The following STAM variants were observed in gnomAD, a reference collection of about 807,000 sequenced individuals.
STAM encodes the protein signal transducing adapter molecule 1.
A neutral mutation model predicts 63.4 loss-of-function variants in STAM; 16 were observed. That is an observed-to-expected ratio of 0.25 (90% CI 0.17 to 0.38). The LOEUF (loss-of-function observed/expected upper bound fraction) is 0.38. Ranked by LOEUF, STAM falls within the 10% of genes least tolerant of loss-of-function variation. The pLI is 1.00. For synonymous variants in STAM, 238 were observed against 223.9 expected (o/e 1.06, Z -0.56); for missense variants, 636 against 657.1 (o/e 0.97, Z 0.35).
intron 5 of STAM, 149 bp downstream of exon 5, chr10:17,688,322 C>T: frequency 4.3e-6 from 3 of 690,174 alleles, no homozygotes; most frequent in Non-Finnish European, 6.7e-6. Flanking sequence ...AGTTGTATTG[C>T]TAGTTAGTAA....
intron 1 of STAM, among the ~76,000 whole-genome samples, chr10:17,657,854 T>A (rs1346135333): frequency 2.0e-5 from 3 of 152,070 alleles, no homozygotes; most frequent in Admixed American, 6.5e-5. Context: ...TCTCTCTTTT[T>A]TTTTTTTCCT....
At chr10:17,705,111 A>C (rs1836200422) in intron 11 of STAM, 87 bp downstream of exon 11, 1 of 1,083,584 alleles carries the variant, frequency 9.2e-7, no homozygotes, top group East Asian at 2.4e-5. Context: ...CTGCCTTTTA[A>C]AAAAAAAATA....
At chr10:17,697,881 AAAATTAC>A (rs1165738553) in intron 8 of STAM, among the ~76,000 whole-genome samples, 1 of 152,218 alleles carries the variant, frequency 6.6e-6, no homozygotes, top group African/African-American at 2.4e-5. Flanking sequence ...GGGATCAAAG[AAAATTAC>A]AAACCACAAG....
At chr10:17,703,009 A>G (rs1291951279) in intron 9 of STAM, among the ~76,000 whole-genome samples, 2 of 65,424 alleles carry the variant, frequency 3.1e-5, no homozygotes, top group African/African-American at 5.8e-5. Flanking sequence ...ACTCCATCTC[A>G]AAAAAAAAAA....
intron 2 of STAM, among the ~76,000 whole-genome samples, chr10:17,668,282 G>A (rs1442211167): frequency 6.6e-6 from 1 of 152,118 alleles, no homozygotes; most frequent in Non-Finnish European, 1.5e-5. Context: ...GAGGGAGAGT[G>A]GTTTGGAAGA....
At position 17,693,271 on chromosome 10, in the gene STAM, G is replaced by A. The variant is rs1297348199; in HGVS notation, c.494G>A (p.Gly165Asp). Residue 165 changes from glycine (G) to aspartate (D), a missense_variant, in exon 6 of 14, where the codon GGT becomes GAT. Transcript: ENST00000377524. ...CCAGCTCTTGTAGCCAAGGATCCTG[G>A]TACTGTGGCTAACAAAAAAGAAGAA... ...ASPALVAKDPGTVANKKEEED... is the reference protein window; with the variant it reads ...ASPALVAKDPDTVANKKEEED... The A allele has an allele frequency of 2.4e-5, 38 of 1,613,100 alleles. No homozygotes were observed. The highest frequency in any genetic ancestry group is 3.1e-5 in the Non-Finnish European group (37 of 1,179,784).
chr10:17,659,733 G>T (rs1236915006), intron 1 of STAM, among the ~76,000 whole-genome samples: 2 of 151,790 alleles, frequency 1.3e-5, no homozygotes, highest in African/African-American at 4.8e-5. Flanking sequence ...AAAATGCTGG[G>T]ATTACAGGCA....
chr10:17,698,362 C>CT (rs2131666845), intron 8 of STAM, among the ~76,000 whole-genome samples: 2 of 149,520 alleles, frequency 1.3e-5, no homozygotes, highest in South Asian at 4.2e-4. Context: ...GATAGAATTG[C>CT]TTGGAGTTCT....
chr10:17,700,328 A>C, intron 9 of STAM, 49 bp downstream of exon 9: 2 of 1,424,832 alleles, frequency 1.4e-6, no homozygotes, highest in Non-Finnish European at 1.9e-6. Context: ...ATTGAAATTT[A>C]AATGGTTTTG....
intron 2 of STAM, among the ~76,000 whole-genome samples, chr10:17,670,338 C>T (rs1834585571): frequency 6.6e-6 from 1 of 152,054 alleles, no homozygotes; most frequent in African/African-American, 2.4e-5. Flanking sequence ...AAAACTAAAG[C>T]CCTGAGATTT....
At chr10:17,689,391 C>T (rs4748399) in intron 5 of STAM, among the ~76,000 whole-genome samples, 14,328 of 152,132 alleles carry the variant, frequency 0.094, 743 homozygotes, top group Middle Eastern at 0.15. Flanking sequence ...CTTCCCAAGG[C>T]ATTTCCAGTT....
At position 17,697,468 on chromosome 10, in the gene STAM, C is replaced by A. The variant is rs539398561; in HGVS notation, c.823+599C>A. 7.1e-4 allele frequency among the ~76,000 whole-genome samples: 108 copies of A among 152,210 alleles called. 1 individual carries two copies. The highest frequency in any genetic ancestry group is 2.5e-3 in the African/African-American group (102 of 41,534). On this transcript the variant is annotated intron_variant, in intron 8 of 13. Coordinates refer to ENST00000377524, the MANE Select transcript of STAM (RefSeq NM_003473.4). ...CAACATGTCAGATATTCAGAAGGAG[C>A]CATTTTTACTAATCATATAAAAGTT...
At chr10:17,712,802 T>C (rs1408221732) in intron 13 of STAM, among the ~76,000 whole-genome samples, 1 of 152,140 alleles carries the variant, frequency 6.6e-6, no homozygotes, top group African/African-American at 2.4e-5. Context: ...ATTTTTTTCT[T>C]TCTTTTTTTA....
intron 2 of STAM, among the ~76,000 whole-genome samples, chr10:17,664,691 AC>A (rs2131590086): frequency 1.3e-5 from 2 of 152,256 alleles, no homozygotes; most frequent in South Asian, 4.1e-4. Context: ...TTTTCCAAAG[AC>A]AAATTCAGGT....
chr10:17,675,061 A>G (rs1321479733), intron 2 of STAM, among the ~76,000 whole-genome samples: 1 of 152,238 alleles, frequency 6.6e-6, no homozygotes, highest in African/African-American at 2.4e-5. Flanking sequence ...GTGTATTTAT[A>G]AATATGAACA....
At position 17,700,243 on chromosome 10, in the gene STAM, A is replaced by C; in HGVS notation, c.876A>C (p.Thr292=). The C allele has an allele frequency of 5.0e-6, 8 of 1,610,408 alleles. No homozygotes were observed. Among genetic ancestry groups the C allele is most frequent in the Non-Finnish European group, 6.8e-6 (8 of 1,178,094 alleles). Residue 292 remains threonine (T), a synonymous_variant, in exon 9 of 14, where the codon ACA becomes ACC. Transcript: ENST00000377524. Reference sequence around the variant, plus strand: ...TTAGTGATGATGTTCAGGTAGAGACAATAGAACCAGAGCCGGAACCAGCCT... The same window carrying C: ...TTAGTGATGATGTTCAGGTAGAGACCATAGAACCAGAGCCGGAACCAGCCT... ...VQFSDDVQVE[T]IEPEPEPAFI...
intron 1 of STAM, among the ~76,000 whole-genome samples, chr10:17,651,341 A>G (rs1411994880): frequency 1.3e-5 from 2 of 152,216 alleles, no homozygotes; most frequent in Non-Finnish European, 2.9e-5. Context: ...AGCACTTAGC[A>G]TAGCACCTGG....
chr10:17,701,098 T>C (rs1412477273), intron 9 of STAM, among the ~76,000 whole-genome samples: 1 of 152,230 alleles, frequency 6.6e-6, no homozygotes, highest in Middle Eastern at 3.2e-3. Context: ...CACCATACTT[T>C]TTGGAGCCAC....
intron 9 of STAM, among the ~76,000 whole-genome samples, chr10:17,700,587 AT>A (rs58878170): frequency 0.38 from 54,960 of 145,998 alleles, 10,920 homozygotes; most frequent in South Asian, 0.52. Context: ...TAGTAGTGAG[AT>A]TTTTTTTTTT....
Sources: gnomAD v4.1 joint callset for allele counts (sites outside exome capture counted in the v4.1 genomes callset) on GRCh38, gnomAD v4.1.1 for gene constraint, MANE v1.5 for transcripts, NCBI Gene and HGNC (gene_info 2026-07-23, HGNC 2026-07-21) for gene names.